The following CYB5A variants were observed in gnomAD, a reference collection of about 807,000 sequenced individuals.
CYB5A encodes cytochrome b5.
A neutral mutation model predicts 16.2 loss-of-function variants in CYB5A; 10 were observed. The observed-to-expected ratio is 0.62, with a 90% CI of 0.38 to 1.04. CYB5A has a LOEUF of 1.04. CYB5A is among the 50% of genes least tolerant of loss of function. The pLI, the probability that CYB5A is intolerant of heterozygous loss-of-function variation, is 0.01. For missense variants in CYB5A, 161 were observed against 165.9 expected, an observed-to-expected ratio of 0.97 and a Z score of 0.16; for synonymous variants, 62 against 57.0, an observed-to-expected ratio of 1.09 and a Z score of -0.40.
At chr18:74,260,332 C>T (rs1982150819) in intron 3 of CYB5A, 2 of 168,130 alleles carry the variant, frequency 1.2e-5, no homozygotes. Flanking sequence ...CTACATTTAT[C>T]TTCAAATATA....
chr18:74,251,055 A>C lies in CYB5A; in HGVS notation c.*2529T>G, dbSNP rs1045904796. ...CATGGTGGCATACGCCTGTAGTCCC[A>C]GCTACTCAGGAGGCTGGGGCAGGAG... On this transcript the variant is annotated 3_prime_UTR_variant, in exon 5 of 5. Coordinates refer to ENST00000340533, the MANE Select transcript of CYB5A (RefSeq NM_148923.4). 1 of 152,076 alleles carries C rather than the reference A, an allele frequency of 6.6e-6. No individual in the cohort carries two copies. Among genetic ancestry groups the C allele is most frequent in the Non-Finnish European group, 1.5e-5 (1 of 68,102 alleles). The allele number at this position is 152,076 out of a possible 1,614,324, so 9.4% of individuals were successfully genotyped here. A position where few individuals can be genotyped will look rare whatever the true frequency, so the allele number is the denominator to read the frequency against.
chr18:74,264,701 C>T (rs1030219542), intron 1 of CYB5A, among the ~76,000 whole-genome samples: 1 of 152,172 alleles, frequency 6.6e-6, no homozygotes, highest in African/African-American at 2.4e-5. Flanking sequence ...CAACTCCACA[C>T]TGGGGAGAGG....
chr18:74,283,494 C>G (rs944641237), intron 1 of CYB5A, among the ~76,000 whole-genome samples: 6 of 152,154 alleles, frequency 3.9e-5, no homozygotes, highest in African/African-American at 1.4e-4. Context: ...ATGGCTGTTT[C>G]CTTCACCTCC....
intron 4 of CYB5A, 123 bp downstream of exon 4, chr18:74,255,618 G>C: frequency 4.9e-6 from 4 of 818,606 alleles, no homozygotes; most frequent in Non-Finnish European, 6.4e-6. Context: ...GCCTTCAGCA[G>C]AAGGTTGCTG....
chr18:74,271,834 C>G (rs1982680847), intron 1 of CYB5A, among the ~76,000 whole-genome samples: 1 of 152,206 alleles, frequency 6.6e-6, no homozygotes, highest in Non-Finnish European at 1.5e-5. Flanking sequence ...TCAACTGACT[C>G]ATGCAAGGAG....
At position 74,260,806 on chromosome 18, in the gene CYB5A, A is replaced by C. The variant is rs1599248172; in HGVS notation, c.288+109T>G. On this transcript the variant is annotated intron_variant, in intron 3 of 4. Coordinates refer to ENST00000340533, the MANE Select transcript of CYB5A (RefSeq NM_148923.4). ...GTAGGTTACATATTCATTTATCTAG[A>C]AAGACCTGTGCTGGCATCAGTCAGG... 3 of 914,958 alleles carry C rather than the reference A, an allele frequency of 3.3e-6. No individual in the cohort carries two copies. The East Asian group carries it at 7.3e-5, about 22-fold the overall frequency. The allele number at this position is 914,958 out of a possible 1,614,324, so 56.7% of individuals were successfully genotyped here.
At chr18:74,270,370 T>G (rs971973156) in intron 1 of CYB5A, among the ~76,000 whole-genome samples, 12 of 152,134 alleles carry the variant, frequency 7.9e-5, no homozygotes, top group African/African-American at 2.9e-4. Context: ...CAGTGAGCTA[T>G]GACTGCATCA....
chr18:74,272,055 T>A (rs1475056583), intron 1 of CYB5A, among the ~76,000 whole-genome samples: 1 of 152,218 alleles, frequency 6.6e-6, no homozygotes, highest in East Asian at 1.9e-4. Flanking sequence ...TTTTAAAGAC[T>A]AACTTTCTTC....
intron 3 of CYB5A, chr18:74,256,044 T>C: frequency 2.3e-6 from 1 of 440,678 alleles, no homozygotes; most frequent in South Asian, 2.5e-5. Context: ...TAAAATATCT[T>C]GCACACGCTA....
intron 1 of CYB5A, among the ~76,000 whole-genome samples, chr18:74,276,536 AC>A (rs1982884028): frequency 6.8e-6 from 1 of 147,248 alleles, no homozygotes; most frequent in African/African-American, 2.7e-5. Flanking sequence ...CAGCACACAC[AC>A]ACACACACAC....
intron 1 of CYB5A, among the ~76,000 whole-genome samples, chr18:74,264,229 GAGCGAGAA>G (rs1456132927): frequency 1.6e-4 from 4 of 25,282 alleles, no homozygotes; most frequent in Non-Finnish European, 7.2e-4. Flanking sequence ...AAAAAAAAGA[GAGCGAGAA>G]AGAAAGAACC....
At chr18:74,267,067 C>T (rs2145054451) in intron 1 of CYB5A, among the ~76,000 whole-genome samples, 1 of 152,098 alleles carries the variant, frequency 6.6e-6, no homozygotes, top group East Asian at 1.9e-4. Context: ...AGACACTTGG[C>T]CAAGTAAACT....
chr18:74,275,318 G>A (rs1370315713), intron 1 of CYB5A, among the ~76,000 whole-genome samples: 4 of 152,136 alleles, frequency 2.6e-5, no homozygotes, highest in Non-Finnish European at 4.4e-5. Flanking sequence ...GTTAAACTCT[G>A]GCTCATGGAA....
chr18:74,261,168 G>A (rs73482406), intron 2 of CYB5A: 9,888 of 502,604 alleles, frequency 0.02, 341 homozygotes, highest in African/African-American at 0.11. Context: ...CCAAAGTTTC[G>A]AACAGCACCC....
chr18:74,279,114 A>C (rs2145073288), intron 1 of CYB5A, among the ~76,000 whole-genome samples: 1 of 152,340 alleles, frequency 6.6e-6, no homozygotes, highest in Middle Eastern at 3.4e-3. Context: ...AACCCAATGC[A>C]ACCCGATGTC....
chr18:74,274,266 G>C (rs751828752), intron 1 of CYB5A, among the ~76,000 whole-genome samples: 1 of 152,210 alleles, frequency 6.6e-6, no homozygotes, highest in Non-Finnish European at 1.5e-5. Context: ...TACACAACGA[G>C]CGATGTTTCC....
chr18:74,268,628 G>A (rs1469242772), intron 1 of CYB5A, among the ~76,000 whole-genome samples: 1 of 152,162 alleles, frequency 6.6e-6, no homozygotes, highest in African/African-American at 2.4e-5. Context: ...CCACTCCAGA[G>A]GGTAGGGTGG....
intron 1 of CYB5A, among the ~76,000 whole-genome samples, chr18:74,273,964 T>C (rs988460256): frequency 1.3e-5 from 2 of 152,348 alleles, no homozygotes. Flanking sequence ...ACTGTTCACA[T>C]GGCACAGCCA....
At chr18:74,256,626 A>ATCAGGGCCTCAAACAGAAG in intron 3 of CYB5A, 1 of 585,094 alleles carries the variant, frequency 1.7e-6, no homozygotes, top group Non-Finnish European at 3.0e-6. Flanking sequence ...CAACATAAGC[A>ATCAGGGCCTCAAACAGAAG]TTAGGGCCTC....
Sources: gnomAD v4.1 joint callset for allele counts (sites outside exome capture counted in the v4.1 genomes callset) on GRCh38, gnomAD v4.1.1 for gene constraint, MANE v1.5 for transcripts, NCBI Gene and HGNC (gene_info 2026-07-23, HGNC 2026-07-21) for gene names.